The following LDHAL6A variants were observed in gnomAD, a reference collection of about 807,000 sequenced individuals.
LDHAL6A encodes the protein L-lactate dehydrogenase A-like 6A.
Under a neutral mutation model 28.2 loss-of-function variants are expected in LDHAL6A, and 19 were observed. That is an observed-to-expected ratio of 0.67 (90% CI 0.47 to 0.99). LDHAL6A has a LOEUF of 0.99. Ranked by LOEUF, LDHAL6A falls within the 50% of genes least tolerant of loss-of-function variation. The pLI is 0.00. For synonymous variants in LDHAL6A, 144 were observed against 134.4 expected (o/e 1.07, Z -0.49); for missense variants, 372 against 398.6 (o/e 0.93, Z 0.57).
chr11:18,459,535 A>G (rs1026427658), intron 1 of LDHAL6A, among the ~76,000 whole-genome samples: 1 of 152,214 alleles, frequency 6.6e-6, no homozygotes, highest in Non-Finnish European at 1.5e-5. Flanking sequence ...CATGTGGGTC[A>G]GTACTCCTTA....
chr11:18,464,768 T>C (rs1849004867), intron 2 of LDHAL6A, among the ~76,000 whole-genome samples: 1 of 151,764 alleles, frequency 6.6e-6, no homozygotes, highest in South Asian at 2.1e-4. Context: ...TTCTGTTTGA[T>C]TCCAAAGCCT....
intron 4 of LDHAL6A, chr11:18,475,850 T>C (rs2133890621): frequency 2.1e-6 from 1 of 469,356 alleles, no homozygotes; most frequent in Middle Eastern, 5.5e-4. Context: ...TAATCCTACA[T>C]ATGGATGGCT....
At chr11:18,456,865 A>G (rs951186363) in intron 1 of LDHAL6A, 59 bp downstream of exon 1, 15 of 1,551,990 alleles carry the variant, frequency 9.7e-6, no homozygotes, top group Non-Finnish European at 1.3e-5. Flanking sequence ...GCCACAGCGT[A>G]TGGTTGTGGA....
chr11:18,476,822 A>G (rs910747557), intron 5 of LDHAL6A: 1 of 160,266 alleles, frequency 6.2e-6, no homozygotes, highest in African/African-American at 2.4e-5. Context: ...TAATTTCTGC[A>G]TCTCTGTACT....
At chr11:18,462,642 AC>A (rs371269470) in intron 1 of LDHAL6A, among the ~76,000 whole-genome samples, 9,547 of 121,248 alleles carry the variant, frequency 0.079, 653 homozygotes, top group Middle Eastern at 0.1. Context: ...GTCTCAAAAA[AC>A]AAACAAACAA....
intron 5 of LDHAL6A, among the ~76,000 whole-genome samples, chr11:18,477,166 A>T (rs61886140): frequency 0.12 from 17,304 of 150,066 alleles, 1,217 homozygotes; most frequent in South Asian, 0.25. Flanking sequence ...AAATGCATAT[A>T]TATGGCCGGG....
chr11:18,469,287 T>C (rs776420897), intron 3 of LDHAL6A: 7 of 531,048 alleles, frequency 1.3e-5, no homozygotes, highest in Non-Finnish European at 2.3e-5. Flanking sequence ...TGATTTGCAC[T>C]AAAACGCCTC....
chr11:18,464,385 A>G (rs948989448), intron 2 of LDHAL6A, among the ~76,000 whole-genome samples: 4 of 152,144 alleles, frequency 2.6e-5, no homozygotes, highest in Non-Finnish European at 4.4e-5. Context: ...GCACAACTCT[A>G]TTTTAGAGAT....
At chr11:18,462,809 G>A (rs1186020762) in intron 1 of LDHAL6A, among the ~76,000 whole-genome samples, 2 of 151,268 alleles carry the variant, frequency 1.3e-5, no homozygotes, top group East Asian at 1.9e-4. Flanking sequence ...CTCCAGCCTG[G>A]GGAACAGAGC....
intron 6 of LDHAL6A, 54 bp downstream of exon 6, chr11:18,477,797 A>G: frequency 6.5e-7 from 1 of 1,532,482 alleles, no homozygotes. Flanking sequence ...AGGGGGGTAA[A>G]GAACATTTTT....
At chr11:18,469,931 TTTTA>T (rs1849217124) in intron 3 of LDHAL6A, among the ~76,000 whole-genome samples, 1 of 152,058 alleles carries the variant, frequency 6.6e-6, no homozygotes, top group Non-Finnish European at 1.5e-5. Context: ...CGAATGATAA[TTTTA>T]TTTATTTTTT....
In LDHAL6A at chr11:18,456,738, CA is replaced by C. The variant is rs1288817273; in HGVS notation, c.59del (p.His20ProfsTer7). 1.2e-6 allele frequency: 2 copies of C among 1,613,478 alleles called. No individual in the cohort carries two copies. ...KNFAEEEAIH[H>X]NKISIVGTGS... ...TTTCGCGGAAGAGGAGGCCATTCAT[CA>C]CAATAAGATCTCCATTGTAGGAACT... On this transcript the variant is annotated frameshift_variant, in exon 1 of 7. Coordinates refer to ENST00000280706, the MANE Select transcript of LDHAL6A (RefSeq NM_144972.5). LOFTEE classifies it high-confidence loss of function.
intron 3 of LDHAL6A, among the ~76,000 whole-genome samples, chr11:18,469,767 A>C (rs549748858): frequency 2.2e-4 from 33 of 152,310 alleles, no homozygotes; most frequent in Non-Finnish European, 4.3e-4. Flanking sequence ...TCCACTAAGA[A>C]CCATCTTCAA....
intron 3 of LDHAL6A, among the ~76,000 whole-genome samples, chr11:18,467,890 T>TATATATATACACACACATATATATATAC: frequency 1.5e-5 from 1 of 65,006 alleles, no homozygotes; most frequent in African/African-American, 8.8e-5. Flanking sequence ...CATATATATA[T>TATATATATACACACACATATATATATAC]ATATATATAT....
At chr11:18,462,662 A>G (rs1424801669) in intron 1 of LDHAL6A, among the ~76,000 whole-genome samples, 2 of 144,492 alleles carry the variant, frequency 1.4e-5, no homozygotes, top group East Asian at 3.9e-4. Context: ...AAACAAAAAA[A>G]AAAACAAAAA....
intron 6 of LDHAL6A, among the ~76,000 whole-genome samples, chr11:18,478,147 G>A (rs1445971302): frequency 6.6e-6 from 1 of 152,100 alleles, no homozygotes; most frequent in African/African-American, 2.4e-5. Flanking sequence ...TTAGTCTCCT[G>A]GGGAAAGGGG....
chr11:18,462,647 CAAACAAACAAAAAAAA>C (rs1392056869), intron 1 of LDHAL6A, among the ~76,000 whole-genome samples: 1 of 63,890 alleles, frequency 1.6e-5, no homozygotes, highest in African/African-American at 1.1e-4. Context: ...AAAAAACAAA[CAAACAAACAAAAAAAA>C]AAACAAAAAA....
chr11:18,477,700 T>C lies in LDHAL6A; in HGVS notation c.791T>C (p.Leu264Ser), dbSNP rs371937075. ...LSVADLTESI[L>S]KNLRRVHPVS... ...GTAGCTGATTTAACAGAAAGTATTTTGAAGAATCTTAGGAGAGTGCATCCA... is the reference window on the plus strand; with the variant it reads ...GTAGCTGATTTAACAGAAAGTATTTCGAAGAATCTTAGGAGAGTGCATCCA... Residue 264 changes from leucine (L) to serine (S), a missense_variant, in exon 6 of 7, where the codon TTG becomes TCG. Around this residue, in one of 3 missense-constraint regions of LDHAL6A, gnomAD observed 291 missense variants for 302.9 expected, o/e 0.96. Coordinates refer to ENST00000280706, the MANE Select transcript of LDHAL6A (RefSeq NM_144972.5). 3.7e-6 allele frequency: 6 copies of C among 1,613,374 alleles called. No homozygotes were observed. In the East Asian group the frequency reaches 8.9e-5, roughly 24 times the overall value.
At chr11:18,474,480 G>A (rs1197623977) in intron 3 of LDHAL6A, among the ~76,000 whole-genome samples, 5 of 151,704 alleles carry the variant, frequency 3.3e-5, no homozygotes, top group East Asian at 1.9e-4. Flanking sequence ...TCCACCTCCC[G>A]GGTTCAAGCA....
Sources: gnomAD v4.1 joint callset for allele counts (sites outside exome capture counted in the v4.1 genomes callset) on GRCh38, gnomAD v4.1.1 for gene constraint, gnomAD v4.1.1 regional missense constraint, MANE v1.5 for transcripts, NCBI Gene and HGNC (gene_info 2026-07-23, HGNC 2026-07-21) for gene names.